MKLN1: variants seen among roughly 807,000 people sequenced by gnomAD.
MKLN1 encodes the protein muskelin.
A neutral mutation model predicts 99.0 loss-of-function variants in MKLN1; 18 were observed. The ratio of observed to expected loss-of-function variants is 0.18; its 90% CI spans 0.13 to 0.27. MKLN1 has a LOEUF of 0.27. Among genes scored for constraint, MKLN1 ranks in the 10% least tolerant of loss-of-function variants. MKLN1 has a pLI of 1.00. For missense variants in MKLN1, 621 were observed against 875.9 expected, an observed-to-expected ratio of 0.71 and a Z score of 3.67; for synonymous variants, 288 against 293.2, an observed-to-expected ratio of 0.98 and a Z score of 0.18.
intron 3 of MKLN1, among the ~76,000 whole-genome samples, chr7:131,231,119 CAAAAAAAAAAA>C (rs58048470): frequency 6.6e-5 from 4 of 60,368 alleles, no homozygotes; most frequent in Non-Finnish European, 8.2e-5. Flanking sequence ...GACTCTGTCT[CAAAAAAAAAAA>C]AAAAAAAAAA....
At chr7:131,121,207 CT>C (rs756685044) in intron 1 of MKLN1, among the ~76,000 whole-genome samples, 56 of 152,168 alleles carry the variant, frequency 3.7e-4, no homozygotes, top group Non-Finnish European at 6.6e-4. Context: ...AACTCACTCA[CT>C]ATCACATGAA....
At chr7:131,238,772 A>G (rs1797360316) in intron 3 of MKLN1, among the ~76,000 whole-genome samples, 1 of 152,198 alleles carries the variant, frequency 6.6e-6, no homozygotes, top group African/African-American at 2.4e-5. Context: ...GGCCACTTCT[A>G]TCTTGTGATT....
At chr7:131,235,054 G>A (rs1797298223) in intron 3 of MKLN1, among the ~76,000 whole-genome samples, 1 of 152,192 alleles carries the variant, frequency 6.6e-6, no homozygotes, top group Non-Finnish European at 1.5e-5. Flanking sequence ...GTTCGGACAT[G>A]AAGAACACGG....
At chr7:131,416,876 G>C (rs543061075) in intron 8 of MKLN1, among the ~76,000 whole-genome samples, 1 of 150,794 alleles carries the variant, frequency 6.6e-6, no homozygotes, top group Non-Finnish European at 1.5e-5. Context: ...TCAGCTACTC[G>C]AGAGGCTGAG....
chr7:131,182,089 G>A (rs890719946), intron 2 of MKLN1, among the ~76,000 whole-genome samples: 14 of 151,962 alleles, frequency 9.2e-5, no homozygotes, highest in East Asian at 5.8e-4. Flanking sequence ...AGCCGAGATC[G>A]CACCACTGCA....
chr7:131,320,617 G>T lies in MKLN1; in HGVS notation c.-178-54807G>T, dbSNP rs148368754. Among the ~76,000 whole-genome samples, 22 of 152,154 alleles carry T rather than the reference G, an allele frequency of 1.4e-4. No individual in the cohort carries two copies. The East Asian group carries it at 4.3e-3, about 29-fold the overall frequency. On this transcript the variant is annotated intron_variant, in intron 3 of 7. Coordinates refer to the MKLN1 transcript ENST00000416992. ...ACTAAAGAGTTTCTGCACAGCAAAA[G>T]AAACTATCACCAGAGTGAAAAGGCA...
chr7:131,112,072 A>C (rs1174440397), intron 1 of MKLN1, among the ~76,000 whole-genome samples: 1 of 152,262 alleles, frequency 6.6e-6, no homozygotes, highest in East Asian at 1.9e-4. Flanking sequence ...TGCAAAGGCA[A>C]TATCAGAAAG....
At position 131,315,820 on chromosome 7, in the gene MKLN1, C is replaced by T. The variant is rs1798657357; in HGVS notation, c.-178-59604C>T. On this transcript the variant is annotated intron_variant, in intron 3 of 7. Transcript: ENST00000416992. ...CAGAATTCACCACAGTGTGGCAAAG[C>T]GGCTGTGGCCAGACTGCTTCTCTAG... Among the ~76,000 whole-genome samples the T allele has an allele frequency of 3.3e-5, 5 of 152,174 alleles. 1 individual carries two copies. The highest frequency in any genetic ancestry group is 2.6e-4 in the Admixed American group (4 of 15,288).
At chr7:131,425,340 A>G (rs1240625692) in intron 8 of MKLN1, among the ~76,000 whole-genome samples, 2 of 152,058 alleles carry the variant, frequency 1.3e-5, no homozygotes, top group South Asian at 2.1e-4. Context: ...CATAGGTCAA[A>G]TACCACTGTT....
intron 6 of MKLN1, among the ~76,000 whole-genome samples, chr7:131,408,700 A>T (rs1351735676): frequency 6.6e-6 from 1 of 152,066 alleles, no homozygotes; most frequent in East Asian, 1.9e-4. Flanking sequence ...GCCTTGAATG[A>T]TCCTCCTGCC....
intron 3 of MKLN1, among the ~76,000 whole-genome samples, chr7:131,255,210 G>A (rs1028247937): frequency 5.3e-5 from 8 of 152,116 alleles, no homozygotes; most frequent in Non-Finnish European, 7.3e-5. Context: ...CCAAAGTGCT[G>A]AGATTATAGG....
At chr7:131,434,680 A>G (rs1285261473) in intron 9 of MKLN1, among the ~76,000 whole-genome samples, 2 of 152,144 alleles carry the variant, frequency 1.3e-5, no homozygotes, top group Admixed American at 6.5e-5. Context: ...CAGTCTCCCC[A>G]GTAGCTGGGA....
rs80215765 is a variant in MKLN1 at position 131,392,164 on chromosome 7, C to G, written c.400+3192C>G. Among the ~76,000 whole-genome samples, 298 of 152,242 alleles carry G rather than the reference C, an allele frequency of 2.0e-3. 1 individual carries two copies. The highest frequency in any genetic ancestry group is 7.0e-3 in the African/African-American group (291 of 41,528). On this transcript the variant is annotated intron_variant, in intron 4 of 17. Coordinates refer to ENST00000352689, the MANE Select transcript of MKLN1 (RefSeq NM_013255.5). ...TTCTGATTTATAGCCACAATAACAG[C>G]TGTATGAGGAAATCAGGGGTAGGTG...
In MKLN1 at chr7:131,153,663, G is replaced by GTTTTTT. The variant is rs144256871; in HGVS notation, c.-297+10722_-297+10723insTTTTTT. On this transcript the variant is annotated intron_variant, in intron 2 of 7. Coordinates refer to the MKLN1 transcript ENST00000416992. ...TACAAAATGAAAGTAGGTTTTTTTT[G>GTTTTTT]GTTTTTTTTTTTTTTTTGAGAAGGA... Among the ~76,000 whole-genome samples the GTTTTTT allele has an allele frequency of 8.9e-5, 12 of 135,238 alleles. 1 individual carries two copies. The highest frequency in any genetic ancestry group is 7.7e-5 in the Non-Finnish European group (5 of 64,782). 88.7% of individuals were successfully genotyped at this position (135,238 alleles called of 152,430 possible).
chr7:131,424,025 T>G (rs1277958178), intron 8 of MKLN1, among the ~76,000 whole-genome samples: 1 of 152,170 alleles, frequency 6.6e-6, no homozygotes, highest in Non-Finnish European at 1.5e-5. Context: ...GGGGATGGCT[T>G]AAGAAGGGAA....
chr7:131,362,900 C>T (rs1473053731), intron 1 of MKLN1, among the ~76,000 whole-genome samples: 2 of 151,774 alleles, frequency 1.3e-5, no homozygotes, highest in African/African-American at 4.8e-5. Flanking sequence ...TCATTCTGGC[C>T]ATACTATTTT....
intron 1 of MKLN1, among the ~76,000 whole-genome samples, chr7:131,116,833 C>A (rs985259978): frequency 2.0e-5 from 3 of 152,010 alleles, no homozygotes; most frequent in African/African-American, 7.3e-5. Context: ...GTCAAGTTGA[C>A]AAAAATAAAA....
chr7:131,250,101 G>C (rs1424393555), intron 3 of MKLN1, among the ~76,000 whole-genome samples: 2 of 151,268 alleles, frequency 1.3e-5, no homozygotes, highest in Non-Finnish European at 2.9e-5. Context: ...CAGAGACCAC[G>C]GGGAAGCAGA....
intron 6 of MKLN1, among the ~76,000 whole-genome samples, chr7:131,411,101 G>A (rs1209523873): frequency 6.6e-6 from 1 of 152,150 alleles, no homozygotes; most frequent in Non-Finnish European, 1.5e-5. Context: ...TGTTTGCATG[G>A]TTGTGTCAAT....
Sources: gnomAD v4.1 joint callset for allele counts (sites outside exome capture counted in the v4.1 genomes callset) on GRCh38, gnomAD v4.1.1 for gene constraint, MANE v1.5 for transcripts, NCBI Gene and HGNC (gene_info 2026-07-23, HGNC 2026-07-21) for gene names.